RMI1: variants seen among roughly 807,000 people sequenced by gnomAD.
RMI1 encodes recQ-mediated genome instability protein 1.
RMI1 carries 36 observed loss-of-function variants against 46.7 expected under a neutral mutation model. The observed-to-expected ratio is 0.77, with a 90% CI of 0.59 to 1.02. The LOEUF is 1.02. Among genes scored for constraint, RMI1 ranks in the 50% least tolerant of loss-of-function variants. The pLI is 0.00. For synonymous variants in RMI1, 250 were observed against 252.9 expected, an observed-to-expected ratio of 0.99 and a Z score of 0.11; for missense variants, 676 against 713.7, an observed-to-expected ratio of 0.95 and a Z score of 0.60.
intron 1 of RMI1, among the ~76,000 whole-genome samples, chr9:83,981,773 T>A (rs565207860): frequency 1.4e-4 from 21 of 152,262 alleles, no homozygotes; most frequent in Non-Finnish European, 2.4e-4. Context: ...CCTGTTATAA[T>A]GTTTCCTTCT....
intron 1 of RMI1, among the ~76,000 whole-genome samples, chr9:83,987,509 T>C (rs1344809625): frequency 3.9e-5 from 6 of 152,224 alleles, no homozygotes; most frequent in African/African-American, 1.4e-4. Flanking sequence ...GAGTATAATT[T>C]ACCTTCAGTA....
intron 1 of RMI1, among the ~76,000 whole-genome samples, chr9:83,989,039 TG>T (rs1957530783): frequency 6.6e-6 from 1 of 152,122 alleles, no homozygotes; most frequent in South Asian, 2.1e-4. Flanking sequence ...TTTATATTTT[TG>T]TAGAGACAAG....
At chr9:83,990,769 C>T (rs1957560888) in intron 1 of RMI1, among the ~76,000 whole-genome samples, 1 of 152,098 alleles carries the variant, frequency 6.6e-6, no homozygotes, top group South Asian at 2.1e-4. Context: ...GTATTTTGCT[C>T]ATTTTAATAT....
At chr9:83,998,867 G>A (rs1445510296) in intron 1 of RMI1, among the ~76,000 whole-genome samples, 2 of 152,128 alleles carry the variant, frequency 1.3e-5, no homozygotes, top group East Asian at 1.9e-4. Flanking sequence ...ATGGCTGGGC[G>A]CGATTGCTCA....
At chr9:83,989,945 TC>T (rs1206435594) in intron 1 of RMI1, among the ~76,000 whole-genome samples, 1 of 152,198 alleles carries the variant, frequency 6.6e-6, no homozygotes, top group Non-Finnish European at 1.5e-5. Context: ...AAAACCTGAA[TC>T]CATCAGCAGA....
intron 1 of RMI1, among the ~76,000 whole-genome samples, chr9:83,999,193 A>T (rs569080267): frequency 1.9e-4 from 29 of 151,356 alleles, no homozygotes; most frequent in South Asian, 4.2e-4. Context: ...TAAAATAAAA[A>T]AAAATAAAAT....
intron 1 of RMI1, among the ~76,000 whole-genome samples, chr9:83,995,080 A>G (rs1181378255): frequency 2.0e-5 from 3 of 151,954 alleles, no homozygotes; most frequent in African/African-American, 7.2e-5. Context: ...GCTCACCACA[A>G]CCTCCGCCTC....
chr9:83,982,125 C>T (rs1481884158), intron 1 of RMI1, among the ~76,000 whole-genome samples: 1 of 152,168 alleles, frequency 6.6e-6, no homozygotes, highest in Non-Finnish European at 1.5e-5. Context: ...ATATTCAAAA[C>T]TGATGAGTTT....
At chr9:83,993,802 T>A (rs917114055) in intron 1 of RMI1, among the ~76,000 whole-genome samples, 1 of 151,970 alleles carries the variant, frequency 6.6e-6, no homozygotes, top group African/African-American at 2.4e-5. Flanking sequence ...TATTATTATT[T>A]TTTAAGATAG....
intron 1 of RMI1, among the ~76,000 whole-genome samples, chr9:83,996,338 G>GA (rs1957653083): frequency 6.6e-6 from 1 of 152,208 alleles, no homozygotes; most frequent in African/African-American, 2.4e-5. Flanking sequence ...TTTTGGCCCA[G>GA]TTCCAGCAAG....
Position 84,001,450 on chromosome 9 carries a change from C to T in RMI1, c.464C>T (p.Pro155Leu), listed in dbSNP as rs186831638. The change falls in exon 3 of 3, where the codon CCA becomes CTA. Residue 155 changes from proline to leucine, a missense_variant. Pro to Leu is a moderately conservative substitution (Grantham distance 98). Coordinates refer to ENST00000445877, the MANE Select transcript of RMI1 (RefSeq NM_001358291.2). Reference protein sequence around the residue: ...QIQGMEYQPIPILHSDLPPGT... With the variant: ...QIQGMEYQPILILHSDLPPGT... ...CAGGGAATGGAATATCAGCCTATTC[C>T]AATTCTTCATAGTGATCTTCCTCCA... 14 of 1,613,990 alleles carry T rather than the reference C, an allele frequency of 8.7e-6. No individual in the cohort carries two copies. The Admixed American group carries it at 1.8e-4, about 21-fold the overall frequency.
chr9:84,002,935 TTATGA>T lies in RMI1; in HGVS notation c.*74_*78del, dbSNP rs1957761784. 4.3e-6 allele frequency: 4 copies of T among 930,034 alleles called. No individual in the cohort carries two copies. The highest frequency in any genetic ancestry group is 2.8e-5 in the Admixed American group (1 of 35,736). 57.6% of individuals were successfully genotyped at this position (930,034 alleles called of 1,614,324 possible). On this transcript the variant is annotated 3_prime_UTR_variant, in exon 3 of 3. Coordinates refer to ENST00000445877, the MANE Select transcript of RMI1 (RefSeq NM_001358291.2). Reference sequence around the variant, plus strand: ...ATTTAGAATTTGTTCACAATTTTACTTATGATACTTTGTGTAAAAAGGAAAAATGA... The same window carrying T: ...ATTTAGAATTTGTTCACAATTTTACTTACTTTGTGTAAAAAGGAAAAATGA...
At chr9:83,984,690 T>A (rs1382949672) in intron 1 of RMI1, among the ~76,000 whole-genome samples, 1 of 152,076 alleles carries the variant, frequency 6.6e-6, no homozygotes, top group African/African-American at 2.4e-5. Flanking sequence ...GCCTCCCTAG[T>A]AGCTGGGATT....
chr9:83,989,675 AAAAT>A (rs533219424), intron 1 of RMI1, among the ~76,000 whole-genome samples: 4,269 of 135,602 alleles, frequency 0.031, 185 homozygotes, highest in African/African-American at 0.13. Context: ...GACAAAAAAA[AAAAT>A]AAAATAAAAT....
chr9:83,992,854 TTTA>T (rs574104143), intron 1 of RMI1: 15 of 152,162 alleles, frequency 9.9e-5, no homozygotes, highest in African/African-American at 3.4e-4. Flanking sequence ...TAGGGGTACT[TTTA>T]TTATTCCTTT....
Position 84,003,049 on chromosome 9 carries a change from T to A in RMI1, c.*185T>A. ...GAGCTTTTGAAAATAAGTTAATCTT[T>A]TTTTTTTTTTTTTTAATGTCAGGGT... is the stretch of plus-strand genomic sequence containing the variant. On this transcript the variant is annotated 3_prime_UTR_variant, in exon 3 of 3. Transcript: ENST00000445877. The A allele has an allele frequency of 4.8e-6, 1 of 210,378 alleles. No homozygotes were observed. The highest frequency in any genetic ancestry group is 9.4e-6 in the Non-Finnish European group (1 of 106,088). 13.0% of individuals were successfully genotyped at this position (210,378 alleles called of 1,614,324 possible). A position where few individuals can be genotyped will look rare whatever the true frequency, so the allele number is the denominator to read the frequency against.
intron 2 of RMI1, among the ~76,000 whole-genome samples, chr9:84,000,160 C>T (rs1390789508): frequency 6.6e-6 from 1 of 152,048 alleles, no homozygotes; most frequent in Admixed American, 6.5e-5. Context: ...CATTAGTGAA[C>T]ATTGTTTCTT....
intron 2 of RMI1, 57 bp from the exon 3 acceptor site, chr9:84,000,894 C>T: frequency 1.1e-6 from 1 of 870,438 alleles, no homozygotes. Flanking sequence ...TAGAGAATTA[C>T]AGAAGCTGTA....
At chr9:83,984,616 CA>C (rs1484858572) in intron 1 of RMI1, among the ~76,000 whole-genome samples, 5 of 151,882 alleles carry the variant, frequency 3.3e-5, no homozygotes, top group Admixed American at 3.3e-4. Context: ...GGCTGTAGTG[CA>C]ATGGCACAAT....
Sources: allele counts gnomAD v4.1 joint callset (sites outside exome capture counted in the v4.1 genomes callset), GRCh38; gene constraint gnomAD v4.1.1; transcripts MANE v1.5; gene names NCBI Gene and HGNC (gene_info 2026-07-23, HGNC 2026-07-21).